SOX13: variants seen among roughly 807,000 people sequenced by gnomAD.
SOX13 encodes the protein SRY-box transcription factor 13, also known as transcription factor SOX-13.
In SOX13, 28 loss-of-function variants were observed where a neutral mutation model predicts 71.8. The ratio of observed to expected loss-of-function variants is 0.39; its 90% CI spans 0.29 to 0.53. The LOEUF (loss-of-function observed/expected upper bound fraction) is 0.53, where lower values mean the gene tolerates loss of function less well. Among genes scored for constraint, SOX13 ranks in the 20% least tolerant of loss-of-function variants. The pLI, the probability that SOX13 is intolerant of heterozygous loss-of-function variation, is 0.70. For synonymous variants in SOX13, 309 were observed against 317.8 expected (o/e 0.97, Z 0.29); for missense variants, 627 against 810.3 (o/e 0.77, Z 2.75).
intron 1 of SOX13, among the ~76,000 whole-genome samples, chr1:204,105,594 T>C (rs1209490790): frequency 6.6e-6 from 1 of 151,926 alleles, no homozygotes; most frequent in African/African-American, 2.4e-5. Flanking sequence ...TTAGTGGAGA[T>C]GGGGTTTTAC....
In SOX13 at chr1:204,122,842, C is replaced by T; in HGVS notation, c.1025-12C>T. On this transcript the variant is annotated splice_polypyrimidine_tract_variant and intron_variant, in intron 9 of 13. Transcript: ENST00000367204. Reference sequence around the variant, plus strand: ...CTCGCTTCTCTTCCCTCTCTTCTGCCCTCTCCCACAGGCTTCCTTGGTGAA... The same window carrying T: ...CTCGCTTCTCTTCCCTCTCTTCTGCTCTCTCCCACAGGCTTCCTTGGTGAA... 6.6e-7 allele frequency: 1 copy of T among 1,517,734 alleles called. No individual in the cohort carries two copies. The highest frequency in any genetic ancestry group is 8.9e-7 in the Non-Finnish European group (1 of 1,117,534). The allele number at this position is 1,517,734 out of a possible 1,614,324, so 94.0% of individuals were successfully genotyped here. A position where few individuals can be genotyped will look rare whatever the true frequency, so the allele number is the denominator to read the frequency against.
chr1:204,117,528 G>A, intron 6 of SOX13, 65 bp from the exon 7 acceptor site: 1 of 1,022,578 alleles, frequency 9.8e-7, no homozygotes, highest in Middle Eastern at 2.1e-4. Flanking sequence ...CTGTGCCATG[G>A]GCTGACCATA....
chr1:204,116,138 C>A (rs918313879), intron 4 of SOX13: 190 of 1,218,602 alleles, frequency 1.6e-4, no homozygotes, highest in Non-Finnish European at 1.9e-4. Flanking sequence ...GCTTCAAAGC[C>A]TGAGTGTGTC....
At chr1:204,117,564 G>A (rs541906019) in intron 6 of SOX13, 29 bp from the exon 7 acceptor site, 8 of 1,464,794 alleles carry the variant, frequency 5.5e-6, no homozygotes, top group Middle Eastern at 1.7e-4. Context: ...GGGTCCCTGG[G>A]GACTCACACA....
chr1:204,083,454 C>T (rs957632992), intron 1 of SOX13, among the ~76,000 whole-genome samples: 7 of 152,198 alleles, frequency 4.6e-5, no homozygotes, highest in Non-Finnish European at 1.0e-4. Context: ...ATATCCCTGC[C>T]TTCCTCTCTC....
chr1:204,125,948 C>A lies in SOX13; in HGVS notation c.1683C>A (p.His561Gln). ...CGCTGGCACAGCCACTGGTGGAGCA[C>A]TATGTCCCTCGTAGCCTGGACCCCA... ...GMPLAQPLVE[H>Q]YVPRSLDPNM... Residue 561 changes from histidine to glutamine, a missense_variant, in exon 14 of 14, where the codon CAC (histidine) becomes CAA (glutamine). Coordinates refer to ENST00000367204, the MANE Select transcript of SOX13 (RefSeq NM_005686.3). The A allele has an allele frequency of 6.2e-7, 1 of 1,613,866 alleles. No homozygotes were observed. The highest frequency in any genetic ancestry group is 1.1e-5 in the South Asian group (1 of 91,052).
chr1:204,116,156 A>T (rs942810767), intron 4 of SOX13: 19 of 1,240,580 alleles, frequency 1.5e-5, no homozygotes, highest in Non-Finnish European at 1.8e-5. Context: ...GTCCCACTGG[A>T]TCCCTCCGAT....
Position 204,081,721 on chromosome 1 carries a change from G to A in SOX13, c.-2+8010G>A, listed in dbSNP as rs963390433. The stretch of plus-strand genomic sequence containing the variant: ...GAGTGGAGGGTGAGGAGGGTTTTCT[G>A]TCTTAGCCCTCAGCCTGTGTGGGGT... On this transcript the variant is annotated intron_variant, in intron 1 of 13. Transcript: ENST00000367204. The surrounding 1 kb of genome is among the most constrained non-coding windows in gnomAD (Gnocchi z 4.3). 6.6e-6 allele frequency among the ~76,000 whole-genome samples: 1 copy of A among 152,188 alleles called. No individual in the cohort carries two copies. Among genetic ancestry groups the A allele is most frequent in the African/African-American group, 2.4e-5 (1 of 41,466 alleles).
chr1:204,095,032 T>C (rs1328095230), intron 1 of SOX13, among the ~76,000 whole-genome samples: 1 of 152,130 alleles, frequency 6.6e-6, no homozygotes, highest in African/African-American at 2.4e-5. Context: ...GACCTTCTGG[T>C]TTAGAGCTTC....
chr1:204,113,013 G>A lies in SOX13; in HGVS notation c.98G>A (p.Cys33Tyr). The change falls in exon 2 of 14, where the codon TGC becomes TAC. Residue 33 changes from cysteine (C) to tyrosine (Y), a missense_variant. This residue lies in a region of SOX13 where 447 missense variants were observed against 532.2 expected (regional missense o/e 0.84). Transcript: ENST00000367204. Reference sequence around the variant, plus strand: ...AAGTCAGAGGAGAAGAAAGAGCCTTGCCACGAGGCCCCCCAGGGCTCAGCC... The same window carrying A: ...AAGTCAGAGGAGAAGAAAGAGCCTTACCACGAGGCCCCCCAGGGCTCAGCC... Reference protein sequence around the residue: ...TIKSEEKKEPCHEAPQGSATA... With the variant: ...TIKSEEKKEPYHEAPQGSATA... 4 of 1,613,096 alleles carry A rather than the reference G, an allele frequency of 2.5e-6. No homozygotes were observed. The South Asian group carries it at 4.4e-5, about 18-fold the overall frequency.
Position 204,126,371 on chromosome 1 carries a change from C to T in SOX13, c.*237C>T, listed in dbSNP as rs928679532. The T allele has an allele frequency of 5.2e-6, 3 of 574,958 alleles. No individual in the cohort carries two copies. Among genetic ancestry groups the T allele is most frequent in the African/African-American group, 3.7e-5 (2 of 53,452 alleles). The allele number at this position is 574,958 out of a possible 1,614,324, so 35.6% of individuals were successfully genotyped here. A position where few individuals can be genotyped will look rare whatever the true frequency, so the allele number is the denominator to read the frequency against. On this transcript the variant is annotated 3_prime_UTR_variant, in exon 14 of 14. Coordinates refer to ENST00000367204, the MANE Select transcript of SOX13 (RefSeq NM_005686.3). The stretch of plus-strand genomic sequence containing the variant: ...ATGGCCATGGGCTGAGCAGGCTGAG[C>T]ACCTCAGCCTTTAGGGCTTATGGCC...
At chr1:204,090,195 G>A (rs1384851003) in intron 1 of SOX13, among the ~76,000 whole-genome samples, 1 of 152,156 alleles carries the variant, frequency 6.6e-6, no homozygotes, top group South Asian at 2.1e-4. Flanking sequence ...TGGGACTCTG[G>A]GTAGAGCCAG....
At chr1:204,111,126 T>C (rs1298836001) in intron 1 of SOX13, among the ~76,000 whole-genome samples, 1 of 152,212 alleles carries the variant, frequency 6.6e-6, no homozygotes, top group Non-Finnish European at 1.5e-5. Flanking sequence ...AAACACCAGA[T>C]CATGTGATGT....
At chr1:204,097,664 C>T (rs548441145) in intron 1 of SOX13, among the ~76,000 whole-genome samples, 99 of 141,316 alleles carry the variant, frequency 7.0e-4, no homozygotes, top group African/African-American at 2.6e-3. Flanking sequence ...GCATTCCAGC[C>T]TGAATGCAAC....
At chr1:204,110,079 G>A (rs1253984227) in intron 1 of SOX13, among the ~76,000 whole-genome samples, 3 of 151,922 alleles carry the variant, frequency 2.0e-5, no homozygotes, top group South Asian at 2.1e-4. Context: ...TGCTCCACCC[G>A]CCTCGGCCTC....
At position 204,090,104 on chromosome 1, in the gene SOX13, G is replaced by T. The variant is rs528074488; in HGVS notation, c.-2+16393G>T. ...GTGAACCCTTCGGTAGTGGTTTTTT[G>T]CATCCCAGCCACATCTTCAAGCTGG... On this transcript the variant is annotated intron_variant, in intron 1 of 13. Coordinates refer to ENST00000367204, the MANE Select transcript of SOX13 (RefSeq NM_005686.3). 2.3e-4 allele frequency among the ~76,000 whole-genome samples: 35 copies of T among 152,198 alleles called. No homozygotes were observed. In the South Asian group the frequency reaches 4.4e-3, roughly 19 times the overall value.
intron 1 of SOX13, among the ~76,000 whole-genome samples, chr1:204,102,174 C>T (rs1656373208): frequency 6.6e-6 from 1 of 152,208 alleles, no homozygotes; most frequent in Non-Finnish European, 1.5e-5. Flanking sequence ...ATGCCCAGCC[C>T]ACCCCAGTAC....
At chr1:204,110,805 G>A (rs1216363794) in intron 1 of SOX13, among the ~76,000 whole-genome samples, 2 of 151,786 alleles carry the variant, frequency 1.3e-5, no homozygotes, top group African/African-American at 2.4e-5. Context: ...ATACCATACT[G>A]CACCTGGGAG....
At chr1:204,125,767 G>A in intron 13 of SOX13, 91 bp from the exon 14 acceptor site, 1 of 1,345,946 alleles carries the variant, frequency 7.4e-7, no homozygotes, top group Non-Finnish European at 1.0e-6. Context: ...TGTGGAGTGG[G>A]AGTGCATGCT....
Sources: allele counts gnomAD v4.1 joint callset (sites outside exome capture counted in the v4.1 genomes callset), GRCh38; gene constraint gnomAD v4.1.1; regional missense constraint gnomAD v4.1.1; non-coding constraint Gnocchi (gnomAD v3.1); transcripts MANE v1.5; gene names NCBI Gene and HGNC (gene_info 2026-07-23, HGNC 2026-07-21).